AFF2: variants seen among roughly 807,000 people sequenced by gnomAD.
The protein encoded by AFF2 is AF4/FMR2 family member 2.
In AFF2, 14 loss-of-function variants were observed where a neutral mutation model predicts 76.9. The observed-to-expected ratio is 0.18, with a 90% CI of 0.12 to 0.28. AFF2 has a LOEUF of 0.28. Ranked by LOEUF, AFF2 falls within the 10% of genes least tolerant of loss-of-function variation. The pLI is 1.00. For missense variants in AFF2, 868 were observed against 1,001.1 expected, an observed-to-expected ratio of 0.87 and a Z score of 1.79; for synonymous variants, 398 against 366.7, an observed-to-expected ratio of 1.09 and a Z score of -0.98.
intron 1 of AFF2, among the ~76,000 whole-genome samples, chrX:148,577,582 G>T (rs983886434): frequency 1.8e-5 from 2 of 111,858 alleles, no homozygotes; most frequent in African/African-American, 3.2e-5. Context: ...GGGAAGCAAA[G>T]ATTTCTTTTT....
At chrX:148,507,266 A>G (rs1348812292) in intron 1 of AFF2, among the ~76,000 whole-genome samples, 1 of 112,580 alleles carries the variant, frequency 8.9e-6, no homozygotes, top group African/African-American at 3.2e-5. Flanking sequence ...AGAATAACCA[A>G]TGGATACAGA....
chrX:148,836,160 C>G (rs782188710), intron 4 of AFF2, among the ~76,000 whole-genome samples: 1 of 112,431 alleles, frequency 8.9e-6, no homozygotes, highest in Admixed American at 9.4e-5. Flanking sequence ...AAATGCACAA[C>G]TCAAAAACAC....
chrX:148,522,992 G>A (rs1189932841), intron 1 of AFF2, among the ~76,000 whole-genome samples: 1 of 112,189 alleles, frequency 8.9e-6, no homozygotes, highest in Non-Finnish European at 1.9e-5. Flanking sequence ...TATTGTGATA[G>A]TACTGAGAAT....
chrX:148,699,868 C>A (rs896011078), intron 3 of AFF2, among the ~76,000 whole-genome samples: 1 of 111,921 alleles, frequency 8.9e-6, no homozygotes, highest in African/African-American at 3.2e-5. Context: ...TAAGTATATC[C>A]GATCAAATGT....
chrX:148,992,003 G>C lies in AFF2; in HGVS notation c.*671G>C, dbSNP rs1485245715. On this transcript the variant is annotated 3_prime_UTR_variant, in exon 21 of 21. Transcript: ENST00000370460. ...GATTCCCTATTTTGTTAATTTTAAT[G>C]ATAAGAAGAAAGGGTGACATTTATT... The C allele has an allele frequency of 8.9e-6, 1 of 112,082 alleles. No homozygotes were observed. Among genetic ancestry groups the C allele is most frequent in the Non-Finnish European group, 1.9e-5 (1 of 53,254 alleles). The allele number at this position is 112,082 out of a possible 1,213,427, so 9.2% of individuals were successfully genotyped here. A position where few individuals can be genotyped will look rare whatever the true frequency, so the allele number is the denominator to read the frequency against.
chrX:148,719,092 G>A, intron 3 of AFF2: 1 of 1,107,331 alleles, frequency 9.0e-7, no homozygotes, highest in Non-Finnish European at 1.2e-6. Context: ...ATTAAGGTGA[G>A]TTTTGGTTGT....
chrX:148,961,855 T>G (rs782493537), intron 12 of AFF2, among the ~76,000 whole-genome samples: 3 of 112,542 alleles, frequency 2.7e-5, no homozygotes, highest in Non-Finnish European at 3.8e-5. Flanking sequence ...AAAATTCAAG[T>G]AATCTTCCTT....
At chrX:148,604,145 G>A (rs1169370085) in intron 1 of AFF2, among the ~76,000 whole-genome samples, 4 of 111,203 alleles carry the variant, frequency 3.6e-5, no homozygotes, top group Non-Finnish European at 1.9e-5. Flanking sequence ...TAGTTTTCTT[G>A]TACTTTGCAA....
At chrX:148,817,177 A>C (rs1033369856) in intron 4 of AFF2, among the ~76,000 whole-genome samples, 5 of 111,380 alleles carry the variant, frequency 4.5e-5, no homozygotes, top group Non-Finnish European at 7.6e-5. Flanking sequence ...ATAATTAATT[A>C]ATTCAAGATC....
intron 8 of AFF2, among the ~76,000 whole-genome samples, chrX:148,894,043 T>A (rs1236671954): frequency 4.5e-5 from 5 of 111,367 alleles, no homozygotes; most frequent in African/African-American, 1.6e-4. Context: ...CACTCTGGAG[T>A]CATCCATAAG....
intron 13 of AFF2, among the ~76,000 whole-genome samples, chrX:148,965,089 G>A (rs1557288507): frequency 8.9e-6 from 1 of 112,090 alleles, no homozygotes; most frequent in Admixed American, 9.4e-5. Context: ...GCAGAGCAGG[G>A]AGATGCTAGG....
chrX:148,558,455 G>A (rs1305638697), intron 1 of AFF2, among the ~76,000 whole-genome samples: 4 of 111,089 alleles, frequency 3.6e-5, no homozygotes, highest in East Asian at 5.7e-4. Context: ...TGTTCTATTC[G>A]CAGCTAGTTC....
At chrX:148,897,290 A>C (rs2071305124) in intron 8 of AFF2, among the ~76,000 whole-genome samples, 1 of 77,613 alleles carries the variant, frequency 1.3e-5, no homozygotes, top group African/African-American at 4.4e-5. Context: ...AAAAATATAT[A>C]TATCCATATG....
At chrX:148,967,134 G>T (rs1487649488) in intron 14 of AFF2, 55 bp downstream of exon 14, 5 of 1,185,731 alleles carry the variant, frequency 4.2e-6, no homozygotes, top group East Asian at 3.0e-5. Flanking sequence ...GGGGGTGGGG[G>T]TAGCATGGCT....
intron 3 of AFF2, among the ~76,000 whole-genome samples, chrX:148,774,760 C>T (rs982846918): frequency 6.2e-5 from 7 of 112,007 alleles, no homozygotes; most frequent in African/African-American, 2.3e-4. Flanking sequence ...TACGTAGGGA[C>T]TGCAGTTTAT....
chrX:148,815,751 A>G (rs1361963993), intron 4 of AFF2, among the ~76,000 whole-genome samples: 1 of 111,675 alleles, frequency 9.0e-6, no homozygotes, highest in Non-Finnish European at 1.9e-5. Context: ...CCTGTCAAAC[A>G]TGGGGAGATG....
At chrX:148,697,170 C>T (rs1159063903) in intron 3 of AFF2, among the ~76,000 whole-genome samples, 3 of 112,263 alleles carry the variant, frequency 2.7e-5, no homozygotes, top group Non-Finnish European at 5.6e-5. Context: ...AACCTTAGAG[C>T]ATGTATTGTA....
chrX:148,628,915 G>A (rs1321320327), intron 1 of AFF2, among the ~76,000 whole-genome samples: 1 of 111,893 alleles, frequency 8.9e-6, no homozygotes, highest in Non-Finnish European at 1.9e-5. Context: ...GGTTGGCATT[G>A]CCCATAGGAG....
chrX:148,717,746 G>A (rs1223884353), intron 3 of AFF2, among the ~76,000 whole-genome samples: 1 of 111,194 alleles, frequency 9.0e-6, no homozygotes, highest in African/African-American at 3.3e-5. Context: ...TCAGAGAACA[G>A]GAAGGAGGCA....
Sources: gnomAD v4.1 joint callset for allele counts (sites outside exome capture counted in the v4.1 genomes callset) on GRCh38, gnomAD v4.1.1 for gene constraint, MANE v1.5 for transcripts, NCBI Gene and HGNC (gene_info 2026-07-23, HGNC 2026-07-21) for gene names.